HPS3: variants seen among roughly 807,000 people sequenced by gnomAD.
HPS3 encodes HPS3 biogenesis of lysosomal organelles complex 2 subunit 1, also known as BLOC-2 complex member HPS3.
HPS3 carries 79 observed loss-of-function variants against 110.9 expected under a neutral mutation model. The observed-to-expected ratio is 0.71, with a 90% CI of 0.59 to 0.86. The LOEUF (loss-of-function observed/expected upper bound fraction) is 0.86, where lower values mean the gene tolerates loss of function less well. Among genes scored for constraint, HPS3 ranks in the 40% least tolerant of loss-of-function variants. HPS3 has a pLI of 0.00. For missense variants in HPS3, 1,197 were observed against 1,206.2 expected (o/e 0.99, Z 0.11); for synonymous variants, 428 against 451.0 (o/e 0.95, Z 0.65).
intron 15 of HPS3, among the ~76,000 whole-genome samples, chr3:149,167,676 T>C (rs944664159): frequency 2.0e-5 from 3 of 152,166 alleles, no homozygotes; most frequent in Non-Finnish European, 4.4e-5. Context: ...GTACAATATA[T>C]GTATTACTGG....
intron 13 of HPS3, among the ~76,000 whole-genome samples, chr3:149,163,512 C>G (rs1420601752): frequency 6.6e-6 from 1 of 152,152 alleles, no homozygotes; most frequent in Admixed American, 6.5e-5. Flanking sequence ...GATATTTTGC[C>G]TTCTAAAGAA....
chr3:149,142,980 T>C lies in HPS3; in HGVS notation c.970+1600T>C, dbSNP rs534080383. Among the ~76,000 whole-genome samples the C allele has an allele frequency of 6.4e-4, 97 of 152,186 alleles. 1 individual carries two copies. Among genetic ancestry groups the C allele is most frequent in the African/African-American group, 2.1e-3 (88 of 41,534 alleles). On this transcript the variant is annotated intron_variant, in intron 4 of 16. Transcript: ENST00000296051. Reference sequence around the variant, plus strand: ...GGTGCAGGGGAGGGGAAGAGAGCCTTCCAGGCAGAAGCAGCAGCAAAGGCT... The same window carrying C: ...GGTGCAGGGGAGGGGAAGAGAGCCTCCCAGGCAGAAGCAGCAGCAAAGGCT...
chr3:149,172,325 C>G lies in HPS3; in HGVS notation c.*103C>G, dbSNP rs2108199704. On this transcript the variant is annotated 3_prime_UTR_variant, in exon 17 of 17. Transcript: ENST00000296051. ...AGTTTTTTATTTTATATATCACACA[C>G]ACACACACACACACACACACACACA... is the stretch of plus-strand genomic sequence containing the variant. 1 of 661,206 alleles carries G rather than the reference C, an allele frequency of 1.5e-6. No homozygotes were observed. Among genetic ancestry groups the G allele is most frequent in the Middle Eastern group, 4.2e-4 (1 of 2,374 alleles). The allele number at this position is 661,206 out of a possible 1,614,324, so 41.0% of individuals were successfully genotyped here. A position where few individuals can be genotyped will look rare whatever the true frequency, so the allele number is the denominator to read the frequency against.
chr3:149,130,027 G>C (rs1266762859), intron 1 of HPS3, 87 bp downstream of exon 1: 2 of 1,281,020 alleles, frequency 1.6e-6, no homozygotes, highest in Non-Finnish European at 2.2e-6. Flanking sequence ...TGTAGCTCTA[G>C]CTAGGGATGG....
At chr3:149,160,751 T>G (rs918116179) in intron 11 of HPS3, among the ~76,000 whole-genome samples, 1 of 152,218 alleles carries the variant, frequency 6.6e-6, no homozygotes, top group South Asian at 2.1e-4. Flanking sequence ...AAACACAGGC[T>G]TTCCCTTGGA....
At chr3:149,165,080 A>G (rs769133692) in intron 14 of HPS3, among the ~76,000 whole-genome samples, 1 of 152,146 alleles carries the variant, frequency 6.6e-6, no homozygotes. Context: ...AAAATAACCA[A>G]AGAAGATTCT....
Position 149,129,902 on chromosome 3 carries a change from C to T in HPS3, c.179C>T (p.Thr60Met). ...ELCQPRCAFS[T>M]LGRVLRLAYS... ...TGCCAGCCGCGGTGCGCCTTCTCCA[C>T]GCTGGGCCGGGTGTTGCGCCTGGCC... is the stretch of plus-strand genomic sequence containing the variant. Residue 60 changes from threonine to methionine, a missense_variant, in exon 1 of 17, where the codon ACG becomes ATG. Physicochemically the swap from Thr to Met is moderately conservative, Grantham distance 81. Transcript: ENST00000296051. The T allele has an allele frequency of 6.3e-7, 1 of 1,576,280 alleles. No individual in the cohort carries two copies. Among genetic ancestry groups the T allele is most frequent in the South Asian group, 1.1e-5 (1 of 88,022 alleles).
chr3:149,166,508 A>G (rs1244759468), intron 14 of HPS3, among the ~76,000 whole-genome samples: 1 of 152,138 alleles, frequency 6.6e-6, no homozygotes, highest in South Asian at 2.1e-4. Flanking sequence ...ATAATTTTGT[A>G]TTGAAATTTT....
Position 149,160,197 on chromosome 3 carries a change from T to G in HPS3, c.2024T>G (p.Leu675Ter). ...KLDTSGFSSI[L>*]VTLTKAAVAL... is the part of the protein sequence containing the mutation. ...GATACTTCTGGGTTTTCATCGATCTTAGTGACATTGACCAAGGCAGCAGTG... is the reference window on the plus strand; with the variant it reads ...GATACTTCTGGGTTTTCATCGATCTGAGTGACATTGACCAAGGCAGCAGTG... The change falls in exon 11 of 17, where the codon TTA (leucine) becomes TGA (stop). Residue 675 changes from leucine to a stop codon, truncating the protein, a stop_gained. Coordinates refer to ENST00000296051, the MANE Select transcript of HPS3 (RefSeq NM_032383.5). LOFTEE classifies it high-confidence loss of function. 1 of 1,613,910 alleles carries G rather than the reference T, an allele frequency of 6.2e-7. No individual in the cohort carries two copies. Among genetic ancestry groups the G allele is most frequent in the East Asian group, 2.2e-5 (1 of 44,874 alleles).
rs758736477 is a variant in HPS3 at position 149,162,223 on chromosome 3, G to A, written c.2182G>A (p.Glu728Lys). The change falls in exon 12 of 17, where the codon GAG becomes AAG. Residue 728 changes from glutamate to lysine, a missense_variant. Glu to Lys is a moderately conservative substitution (Grantham distance 56). Coordinates refer to ENST00000296051, the MANE Select transcript of HPS3 (RefSeq NM_032383.5). ...GAGAAAGGGACAGATTGTTCCAACC[G>A]AGCTTGCACTTCACTTGAAGGAAAC... ...QQRKGQIVPT[E>K]LALHLKETQP... The A allele has an allele frequency of 1.9e-5, 30 of 1,613,848 alleles. No individual in the cohort carries two copies. The East Asian group carries it at 5.3e-4, about 29-fold the overall frequency.
At chr3:149,141,464 A>G in intron 4 of HPS3, 84 bp downstream of exon 4, 1 of 1,112,912 alleles carries the variant, frequency 9.0e-7, no homozygotes, top group Non-Finnish European at 1.4e-6. Context: ...CATGTGGGTA[A>G]TAGGTTTGGT....
At chr3:149,160,950 A>C (rs1014690509) in intron 11 of HPS3, among the ~76,000 whole-genome samples, 3 of 152,238 alleles carry the variant, frequency 2.0e-5, no homozygotes, top group African/African-American at 7.2e-5. Flanking sequence ...AGAGAGGTTA[A>C]GTAACTCATC....
intron 1 of HPS3, among the ~76,000 whole-genome samples, chr3:149,136,312 G>A (rs6440587): frequency 0.7 from 106,862 of 151,908 alleles, 38,764 homozygotes; most frequent in African/African-American, 0.89. Flanking sequence ...AGTCCGGGAG[G>A]TGGAGGTTGC....
intron 1 of HPS3, among the ~76,000 whole-genome samples, chr3:149,133,284 TTTTTA>T (rs772900645): frequency 8.5e-5 from 13 of 152,110 alleles, no homozygotes; most frequent in African/African-American, 7.2e-5. Context: ...TTGTTTTATT[TTTTTA>T]TTTTATTTTA....
In HPS3 at chr3:149,141,311, A is replaced by AT; in HGVS notation, c.904dup (p.Ser302PhefsTer7). ...AACCCACAGACGTTTTGCTCCTGAT[A>AT]TTTCGTCCTATGTCTTGTCTGATGA... is the stretch of plus-strand genomic sequence containing the variant. On this transcript the variant is annotated frameshift_variant, in exon 4 of 17. Coordinates refer to ENST00000296051, the MANE Select transcript of HPS3 (RefSeq NM_032383.5). LOFTEE classifies it high-confidence loss of function. 3 of 1,611,830 alleles carry AT rather than the reference A, an allele frequency of 1.9e-6. No homozygotes were observed. Among genetic ancestry groups the AT allele is most frequent in the Non-Finnish European group, 2.5e-6 (3 of 1,179,684 alleles).
intron 15 of HPS3, 151 bp from the exon 16 acceptor site, chr3:149,167,742 C>A: frequency 3.0e-6 from 2 of 664,448 alleles, no homozygotes; most frequent in South Asian, 3.4e-5. Context: ...AGACTGGCTG[C>A]TGATATAACT....
At position 149,150,646 on chromosome 3, in the gene HPS3, G is replaced by A. The variant is rs773843901; in HGVS notation, c.1211G>A (p.Arg404His). 2.6e-5 allele frequency: 42 copies of A among 1,613,938 alleles called. No homozygotes were observed. Among genetic ancestry groups the A allele is most frequent in the East Asian group, 4.5e-5 (2 of 44,884 alleles). Residue 404 changes from arginine (R) to histidine (H), a missense_variant, in exon 6 of 17, where the codon CGT becomes CAT. Arg to His is a conservative substitution (Grantham distance 29). Transcript: ENST00000296051. ...FTVRCSAAAA[R>H]EEDPYMDTTL... ...GTGCGGTGCAGTGCGGCGGCAGCTCGTGAGGAGGACCCGTACATGGACACC... is the reference window on the plus strand; with the variant it reads ...GTGCGGTGCAGTGCGGCGGCAGCTCATGAGGAGGACCCGTACATGGACACC...
chr3:149,153,385 TG>T, intron 6 of HPS3, 108 bp from the exon 7 acceptor site: 1 of 935,920 alleles, frequency 1.1e-6, no homozygotes, highest in Non-Finnish European at 1.7e-6. Context: ...GTGGTGGGTA[TG>T]GGATGGTGGC....
chr3:149,141,518 A>AT, intron 4 of HPS3, 138 bp downstream of exon 4: 109 of 560,478 alleles, frequency 1.9e-4, no homozygotes, highest in East Asian at 3.9e-4. Flanking sequence ...CCTTTAACAA[A>AT]GTTTTTTTTT....
Sources: gnomAD v4.1 joint callset for allele counts (sites outside exome capture counted in the v4.1 genomes callset) on GRCh38, gnomAD v4.1.1 for gene constraint, MANE v1.5 for transcripts, NCBI Gene and HGNC (gene_info 2026-07-23, HGNC 2026-07-21) for gene names.